The following ATP8B2 variants were observed in gnomAD, a reference collection of about 807,000 sequenced individuals.
The protein encoded by ATP8B2 is phospholipid-transporting ATPase ID.
A neutral mutation model predicts 133.4 loss-of-function variants in ATP8B2; 70 were observed. The ratio of observed to expected loss-of-function variants is 0.52; its 90% CI spans 0.43 to 0.64. ATP8B2 has a LOEUF of 0.64. Ranked by LOEUF, ATP8B2 falls within the 30% of genes least tolerant of loss-of-function variation. The pLI is 0.00. For missense variants in ATP8B2, 1,101 were observed against 1,535.7 expected (o/e 0.72, Z 4.73); for synonymous variants, 517 against 589.5 (o/e 0.88, Z 1.78).
chr1:154,334,031 T>A lies in ATP8B2; in HGVS notation c.590-76T>A. The stretch of plus-strand genomic sequence containing the variant: ...CTTGCATCCTCTTCGCTCAGCTCAT[T>A]TTCTCTTTGTTTTATTGTCTTGTGG... On this transcript the variant is annotated intron_variant, in intron 9 of 27. Coordinates refer to ENST00000368489, the MANE Select transcript of ATP8B2 (RefSeq NM_001370597.1). This position sits in a 1 kb window ranked among gnomAD's most constrained non-coding sequence, Gnocchi z 4.6. 3 of 1,549,572 alleles carry A rather than the reference T, an allele frequency of 1.9e-6. No individual in the cohort carries two copies. The highest frequency in any genetic ancestry group is 1.2e-5 in the South Asian group (1 of 84,454).
chr1:154,348,620 G>A, intron 27 of ATP8B2, 82 bp downstream of exon 27: 2 of 1,555,206 alleles, frequency 1.3e-6, no homozygotes, highest in Non-Finnish European at 1.7e-6. Flanking sequence ...GGGCTCTGTG[G>A]GGCCATGTGG....
chr1:154,347,490 A>C (rs576092315), intron 26 of ATP8B2, among the ~76,000 whole-genome samples: 8 of 152,170 alleles, frequency 5.3e-5, no homozygotes, highest in Non-Finnish European at 1.0e-4. Flanking sequence ...AAGCTTACTT[A>C]TGTTTTTAAA....
In ATP8B2 at chr1:154,343,491, G is replaced by A; in HGVS notation, c.1681G>A (p.Gly561Arg). The part of the protein sequence containing the change: ...PEGKIRLYCK[G>R]ADTILLDRLH... ...GGGGAAGATCCGACTCTACTGCAAA[G>A]GGGCTGACACTATCCTACTGGACAG... Residue 561 changes from glycine (G) to arginine (R), a missense_variant, in exon 17 of 28, where the codon GGG becomes AGG. By Grantham distance (125) the Gly-to-Arg change is moderately radical. Transcript: ENST00000368489. This position sits in a 1 kb window ranked among gnomAD's most constrained non-coding sequence, Gnocchi z 5.8. 1 of 1,614,142 alleles carries A rather than the reference G, an allele frequency of 6.2e-7. No homozygotes were observed.
At position 154,343,953 on chromosome 1, in the gene ATP8B2, T is replaced by A; in HGVS notation, c.1819T>A (p.Tyr607Asn). Residue 607 changes from tyrosine (Y) to asparagine (N), a missense_variant, in exon 18 of 28, where the codon TAC becomes AAC. Transcript: ENST00000368489. This position sits in a 1 kb window ranked among gnomAD's most constrained non-coding sequence, Gnocchi z 5.8. ...VLAYKDLDEE[Y>N]YEEWAERRLQ... ...GGCCTACAAGGATCTGGATGAAGAG[T>A]ACTACGAGGAGTGGGCTGAGCGACG... 1 of 1,613,718 alleles carries A rather than the reference T, an allele frequency of 6.2e-7. No individual in the cohort carries two copies. The highest frequency in any genetic ancestry group is 1.1e-5 in the South Asian group (1 of 91,062).
Position 154,345,670 on chromosome 1 carries a change from T to C in ATP8B2, c.2694+125T>C. On this transcript the variant is annotated intron_variant, in intron 23 of 27. Transcript: ENST00000368489. This position sits in a 1 kb window ranked among gnomAD's most constrained non-coding sequence, Gnocchi z 5.6. ...CTGGTACATACTCTTAAAAAATGCT[T>C]ATTAAAGGAGGAGAGAAGGAGCCTC... 7.6e-7 allele frequency: 1 copy of C among 1,311,630 alleles called. No individual in the cohort carries two copies. Among genetic ancestry groups the C allele is most frequent in the African/African-American group, 1.5e-5 (1 of 67,936 alleles). The allele number at this position is 1,311,630 out of a possible 1,614,324, so 81.2% of individuals were successfully genotyped here.
chr1:154,343,532 T>C lies in ATP8B2; in HGVS notation c.1722T>C (p.Thr574=), dbSNP rs769399186. ...TILLDRLHHS[T]QELLNTTMDH... is the part of the protein sequence containing the mutation. ...TACTGGACAGACTGCACCACTCCAC[T>C]CAAGAGCTGCTCAACACCACCATGG... The change falls in exon 17 of 28, where the codon ACT becomes ACC. Residue 574 remains threonine (T), a synonymous_variant. Coordinates refer to ENST00000368489, the MANE Select transcript of ATP8B2 (RefSeq NM_001370597.1). The surrounding 1 kb of genome is among the most constrained non-coding windows in gnomAD (Gnocchi z 5.8). The C allele has an allele frequency of 1.2e-6, 2 of 1,613,796 alleles. No homozygotes were observed. The highest frequency in any genetic ancestry group is 1.7e-5 in the Admixed American group (1 of 59,996).
chr1:154,328,810 T>A lies in ATP8B2; in HGVS notation c.31+638T>A. On this transcript the variant is annotated intron_variant, in intron 2 of 27. Coordinates refer to ENST00000368489, the MANE Select transcript of ATP8B2 (RefSeq NM_001370597.1). This position sits in a 1 kb window ranked among gnomAD's most constrained non-coding sequence, Gnocchi z 4.6. ...CGGCGGCGCAGCTGAGCTCGCGGTGTCCCCGAGCGCCGGCGGCCGGGAGGA... is the reference window on the plus strand; with the variant it reads ...CGGCGGCGCAGCTGAGCTCGCGGTGACCCCGAGCGCCGGCGGCCGGGAGGA... 1 of 1,029,594 alleles carries A rather than the reference T, an allele frequency of 9.7e-7. No homozygotes were observed. The highest frequency in any genetic ancestry group is 1.2e-6 in the Non-Finnish European group (1 of 858,764). 63.8% of individuals were successfully genotyped at this position (1,029,594 alleles called of 1,614,324 possible).
At chr1:154,348,727 G>GT in intron 27 of ATP8B2, 113 bp from the exon 28 acceptor site, 1 of 1,387,734 alleles carries the variant, frequency 7.2e-7, no homozygotes, top group Non-Finnish European at 9.5e-7. Context: ...CCCAGGTGCT[G>GT]TGGGTCGGAG....
At position 154,328,668 on chromosome 1, in the gene ATP8B2, G is replaced by A. The variant is rs1306416219; in HGVS notation, c.31+496G>A. The stretch of plus-strand genomic sequence containing the variant: ...GAGCTTTCGCCTACGCGGCGCGCTG[G>A]CAGGCTGCGGCTCCTGCAGTCGGGG... On this transcript the variant is annotated intron_variant, in intron 2 of 27. Transcript: ENST00000368489. This position sits in a 1 kb window ranked among gnomAD's most constrained non-coding sequence, Gnocchi z 4.6. 1.6e-6 allele frequency: 1 copy of A among 621,952 alleles called. No individual in the cohort carries two copies. The highest frequency in any genetic ancestry group is 2.0e-6 in the Non-Finnish European group (1 of 496,066). The allele number at this position is 621,952 out of a possible 1,614,324, so 38.5% of individuals were successfully genotyped here. A position where few individuals can be genotyped will look rare whatever the true frequency, so the allele number is the denominator to read the frequency against.
rs1186331733 is a variant in ATP8B2 at position 154,331,956 on chromosome 1, G to A, written c.441G>A (p.Ala147=). Residue 147 remains alanine (A), a splice_region_variant and synonymous_variant, in exon 8 of 28, where the codon GCG becomes GCA. Coordinates refer to ENST00000368489, the MANE Select transcript of ATP8B2 (RefSeq NM_001370597.1). This position sits in a 1 kb window ranked among gnomAD's most constrained non-coding sequence, Gnocchi z 4.8. The part of the protein sequence containing the change: ...IKLENNQFVA[A]DLLLLSSSEP... ...TTCTCATTAGTTTTTCTCTCTAGGC[G>A]GATCTCCTCCTCCTTTCCAGCAGTG... 11 of 1,613,700 alleles carry A rather than the reference G, an allele frequency of 6.8e-6. No homozygotes were observed. Among genetic ancestry groups the A allele is most frequent in the African/African-American group, 2.7e-5 (2 of 74,916 alleles).
chr1:154,343,295 G>T lies in ATP8B2; in HGVS notation c.1636G>T (p.Val546Phe). 6.2e-7 allele frequency: 1 copy of T among 1,614,068 alleles called. No individual in the cohort carries two copies. Among genetic ancestry groups the T allele is most frequent in the Non-Finnish European group, 8.5e-7 (1 of 1,179,976 alleles). The change falls in exon 16 of 28, where the codon GTC becomes TTC. Residue 546 changes from valine (V) to phenylalanine (F), a missense_variant. Val to Phe is a conservative substitution (Grantham distance 50). Coordinates refer to ENST00000368489, the MANE Select transcript of ATP8B2 (RefSeq NM_001370597.1). This position sits in a 1 kb window ranked among gnomAD's most constrained non-coding sequence, Gnocchi z 5.8. ...CAACAACATCCGCAAGCGGATGTCG[G>T]TCATAGGTGAGGCCAGGCCTGGGGT... is the stretch of plus-strand genomic sequence containing the variant. ...DFNNIRKRMS[V>F]IVRNPEGKIR...
chr1:154,330,257 G>C (rs1685936169), intron 2 of ATP8B2, 139 bp from the exon 3 acceptor site: 1 of 673,006 alleles, frequency 1.5e-6, no homozygotes, highest in African/African-American at 1.8e-5. Context: ...GGACTGGAGG[G>C]AAGAATTTGA....
intron 8 of ATP8B2, 89 bp from the exon 9 acceptor site, chr1:154,332,529 G>A: frequency 9.4e-7 from 1 of 1,066,432 alleles, no homozygotes; most frequent in Non-Finnish European, 1.4e-6. Flanking sequence ...CTGCACTCCA[G>A]CCTGAGCAGC....
intron 13 of ATP8B2, 24 bp downstream of exon 13, chr1:154,341,086 G>C (rs761926107): frequency 1.9e-6 from 3 of 1,612,426 alleles, no homozygotes; most frequent in Admixed American, 3.3e-5. Context: ...ACTGGGGACT[G>C]GGGGCTTGCA....
chr1:154,329,125 C>T, intron 2 of ATP8B2: 1 of 1,213,056 alleles, frequency 8.2e-7, no homozygotes, highest in Non-Finnish European at 1.1e-6. Flanking sequence ...TATTTCCCCC[C>T]TCCAATCCCT....
At chr1:154,339,214 A>G (rs1000273160) in intron 12 of ATP8B2, among the ~76,000 whole-genome samples, 1 of 152,216 alleles carries the variant, frequency 6.6e-6, no homozygotes, top group African/African-American at 2.4e-5. Context: ...CTGAGAGAAT[A>G]TAGTTTAGGC....
At position 154,337,466 on chromosome 1, in the gene ATP8B2, CCTTCTTCT is replaced by C. The variant is rs1686227803; in HGVS notation, c.959_966del (p.Phe320TrpfsTer39). The C allele has an allele frequency of 1.2e-6, 2 of 1,614,166 alleles. No individual in the cohort carries two copies. Among genetic ancestry groups the C allele is most frequent in the Non-Finnish European group, 8.5e-7 (1 of 1,180,030 alleles). On this transcript the variant is annotated frameshift_variant, in exon 12 of 28. Coordinates refer to ENST00000368489, the MANE Select transcript of ATP8B2 (RefSeq NM_001370597.1). LOFTEE classifies it high-confidence loss of function. Reference sequence around the variant, plus strand: ...CCGTGGGATGAGGCAGTGGACAGTGCCTTCTTCTCTGGCTTCCTCTCCTTCTGGTCCTA... The same window carrying C: ...CCGTGGGATGAGGCAGTGGACAGTGCCTGGCTTCCTCTCCTTCTGGTCCTA...
In ATP8B2 at chr1:154,337,757, T is replaced by A. The variant is rs1345446200; in HGVS notation, c.1034+213T>A. The A allele has an allele frequency of 2.9e-6, 4 of 1,368,376 alleles. No individual in the cohort carries two copies. The Admixed American group carries it at 7.8e-5, about 27-fold the overall frequency. 84.8% of individuals were successfully genotyped at this position (1,368,376 alleles called of 1,614,324 possible). ...TGGGACTGTATTAGAGAAAAAAAAA[T>A]ATTGATTTATTCAGCACCTATTTAT... On this transcript the variant is annotated intron_variant, in intron 12 of 27. Transcript: ENST00000368489.
Position 154,343,357 on chromosome 1 carries a change from G to C in ATP8B2, c.1642+56G>C. ...TGGGGACAGCATTCAGGCCTGGAAT[G>C]GGTGAAGTGTGCCGGGTGACTCTTG... On this transcript the variant is annotated intron_variant, in intron 16 of 27. Coordinates refer to ENST00000368489, the MANE Select transcript of ATP8B2 (RefSeq NM_001370597.1). This position sits in a 1 kb window ranked among gnomAD's most constrained non-coding sequence, Gnocchi z 5.8. 6.2e-7 allele frequency: 1 copy of C among 1,606,888 alleles called. No homozygotes were observed. Among genetic ancestry groups the C allele is most frequent in the East Asian group, 2.2e-5 (1 of 44,658 alleles).
Sources: allele counts gnomAD v4.1 joint callset (sites outside exome capture counted in the v4.1 genomes callset), GRCh38; gene constraint gnomAD v4.1.1; non-coding constraint Gnocchi (gnomAD v3.1); transcripts MANE v1.5; gene names NCBI Gene and HGNC (gene_info 2026-07-23, HGNC 2026-07-21).